The following PBRM1 variants were observed in gnomAD, a reference collection of about 807,000 sequenced individuals.
PBRM1 encodes polybromo 1, also known as protein polybromo-1.
In PBRM1, 27 loss-of-function variants were observed where a neutral mutation model predicts 194.5. That is an observed-to-expected ratio of 0.14 (90% CI 0.10 to 0.19). The LOEUF (loss-of-function observed/expected upper bound fraction) is 0.19, where lower values mean the gene tolerates loss of function less well. PBRM1 is among the 10% of genes least tolerant of loss of function. PBRM1 has a pLI of 1.00. For missense variants in PBRM1, 1,466 were observed against 2,077.2 expected (o/e 0.71, Z 5.72); for synonymous variants, 655 against 693.2 (o/e 0.94, Z 0.87).
chr3:52,625,474 T>G (rs1413806048), intron 13 of PBRM1, among the ~76,000 whole-genome samples: 1 of 152,222 alleles, frequency 6.6e-6, no homozygotes, highest in African/African-American at 2.4e-5. Context: ...TTTATTTGTG[T>G]TTTTCACTTC....
In PBRM1 at chr3:52,609,870, C is replaced by A; in HGVS notation, c.2010G>T (p.Lys670Asn). 1 of 1,600,722 alleles carries A rather than the reference C, an allele frequency of 6.2e-7. No homozygotes were observed. The highest frequency in any genetic ancestry group is 8.5e-7 in the Non-Finnish European group (1 of 1,174,786). ...GGCGACCCCTCTTATCAGTATAGTT[C>A]TTTACAGCTTCATAGACCTCATTTA... is the stretch of plus-strand genomic sequence containing the variant. The change falls in exon 16 of 30, where the codon AAG becomes AAT. Residue 670 changes from lysine to asparagine, a missense_variant. Transcript: ENST00000296302. The surrounding 1 kb of genome is among the most constrained non-coding windows in gnomAD (Gnocchi z 4.1).
intron 27 of PBRM1, among the ~76,000 whole-genome samples, chr3:52,554,195 T>G (rs1234925793): frequency 1.3e-5 from 2 of 152,218 alleles, no homozygotes; most frequent in Non-Finnish European, 2.9e-5. Context: ...GAGTGAAAGA[T>G]TTCTGAAGAG....
exon 20 of PBRM1, chr3:52,586,665 T>C: frequency 6.2e-7 from 1 of 1,610,488 alleles, no homozygotes; most frequent in Non-Finnish European, 8.5e-7. Context: ...CTCGGAAGTT[T>C]TCTGGGCATA....
chr3:52,617,117 A>C (rs1239671378), intron 14 of PBRM1, 145 bp downstream of exon 16: 2 of 620,146 alleles, frequency 3.2e-6, no homozygotes, highest in Non-Finnish European at 5.4e-6. Flanking sequence ...TCTGATTGTA[A>C]ACAATGAAGA....
intron 15 of PBRM1, 106 bp downstream of exon 17, chr3:52,615,243 TAC>T: frequency 1.5e-6 from 1 of 646,568 alleles, no homozygotes. Context: ...CATGCTGGAG[TAC>T]AGTGAGTTCA....
intron 12 of PBRM1, 66 bp downstream of exon 13, chr3:52,628,828 A>G (rs1434459929): frequency 3.4e-5 from 48 of 1,430,998 alleles, no homozygotes; most frequent in Admixed American, 6.8e-5. Context: ...ACTAGAACAC[A>G]CTCAAAACAT....
chr3:52,684,692 T>C (rs1182162135), upstream of PBRM1, among the ~76,000 whole-genome samples: 1 of 152,248 alleles, frequency 6.6e-6, no homozygotes, highest in South Asian at 2.1e-4. Context: ...TTTGATGACT[T>C]GATAGTAATC....
At chr3:52,678,101 G>A (rs1341806814) in intron 2 of PBRM1, among the ~76,000 whole-genome samples, 1 of 152,040 alleles carries the variant, frequency 6.6e-6, no homozygotes, top group Admixed American at 6.6e-5. Context: ...CAAATTCTTG[G>A]CCTCAAGAGA....
At chr3:52,627,401 T>G in intron 12 of PBRM1, 31 bp from the exon 14 acceptor site, 1 of 1,357,528 alleles carries the variant, frequency 7.4e-7, no homozygotes. Flanking sequence ...GGAGTTGAGC[T>G]CATGTGCCAA....
At chr3:52,683,472 A>G (rs2097250163), upstream of PBRM1, among the ~76,000 whole-genome samples, 1 of 152,028 alleles carries the variant, frequency 6.6e-6, no homozygotes, top group Non-Finnish European at 1.5e-5. Flanking sequence ...ACAGGATAGT[A>G]TTTGGTATAG....
chr3:52,561,941 C>A, exon 25 of PBRM1: 1 of 1,614,072 alleles, frequency 6.2e-7, no homozygotes, highest in South Asian at 1.1e-5. Context: ...TCCTTCTTTG[C>A]ACTGCCTTTG....
intron 22 of PBRM1, among the ~76,000 whole-genome samples, chr3:52,567,577 AAAAAG>A (rs1224703242): frequency 8.0e-5 from 12 of 150,514 alleles, no homozygotes; most frequent in Admixed American, 2.0e-4. Context: ...AAAAAAAAAA[AAAAAG>A]AAAAAAGAAA....
chr3:52,617,215 C>T (rs1053729631), intron 14 of PBRM1, 47 bp downstream of exon 16: 2 of 1,532,064 alleles, frequency 1.3e-6, no homozygotes, highest in African/African-American at 2.7e-5. Context: ...TATAAGTACC[C>T]CTCTCCCGCA....
chr3:52,619,684 T>C (rs189981055), intron 13 of PBRM1, among the ~76,000 whole-genome samples: 2 of 152,198 alleles, frequency 1.3e-5, no homozygotes, highest in African/African-American at 4.8e-5. Context: ...CCCTGACTAC[T>C]TGCACTACTC....
intron 22 of PBRM1, among the ~76,000 whole-genome samples, chr3:52,564,549 G>A (rs1452074255): frequency 6.6e-6 from 1 of 151,914 alleles, no homozygotes; most frequent in Admixed American, 6.6e-5. Context: ...GGAGGCTGAG[G>A]TGGGAATCAT....
rs528864277 is a variant in PBRM1 at position 52,570,829 on chromosome 3, TTGTG to T, written c.3691+5708_3691+5711del. On this transcript the variant is annotated intron_variant, in intron 22 of 29. Coordinates refer to ENST00000296302, the Ensembl canonical transcript of PBRM1. Reference sequence around the variant, plus strand: ...CAATTTCTCAATAATTTTCTTATAGTTGTGTGTGTGTGCGCACATGTGTGCACAT... The same window carrying T: ...CAATTTCTCAATAATTTTCTTATAGTTGTGTGTGCGCACATGTGTGCACAT... 9.9e-5 allele frequency among the ~76,000 whole-genome samples: 15 copies of T among 152,092 alleles called. No homozygotes were observed. The South Asian group carries it at 3.1e-3, about 32-fold the overall frequency.
At chr3:52,655,936 T>C (rs561479014) in intron 5 of PBRM1, among the ~76,000 whole-genome samples, 29 of 152,312 alleles carry the variant, frequency 1.9e-4, no homozygotes, top group African/African-American at 6.5e-4. Flanking sequence ...GTTCCAGTTA[T>C]AGACAGTAAT....
chr3:52,654,485 C>T (rs2096570240), intron 5 of PBRM1, among the ~76,000 whole-genome samples: 1 of 152,104 alleles, frequency 6.6e-6, no homozygotes, highest in Non-Finnish European at 1.5e-5. Context: ...AGCCAGCTTG[C>T]TTGGGACGGA....
At chr3:52,625,082 A>T in intron 13 of PBRM1, 141 bp from the exon 15 acceptor site, 1 of 673,786 alleles carries the variant, frequency 1.5e-6, no homozygotes, top group East Asian at 2.7e-5. Context: ...CATTTCAACA[A>T]GGAAGACAGA....
Sources: gnomAD v4.1 joint callset for allele counts (sites outside exome capture counted in the v4.1 genomes callset) on GRCh38, gnomAD v4.1.1 for gene constraint, Gnocchi (gnomAD v3.1) non-coding constraint, MANE v1.5 for transcripts, NCBI Gene and HGNC (gene_info 2026-07-23, HGNC 2026-07-21) for gene names.